The following DSCC1 variants were observed in gnomAD, a reference collection of about 807,000 sequenced individuals.
The protein encoded by DSCC1 is sister chromatid cohesion protein DCC1.
DSCC1 carries 32 observed loss-of-function variants against 48.2 expected under a neutral mutation model. That is an observed-to-expected ratio of 0.66 (90% CI 0.50 to 0.89). The LOEUF is 0.89. DSCC1 is among the 40% of genes least tolerant of loss of function. DSCC1 has a pLI of 0.00. For synonymous variants in DSCC1, 150 were observed against 171.5 expected, an observed-to-expected ratio of 0.87 and a Z score of 0.98; for missense variants, 421 against 471.7, an observed-to-expected ratio of 0.89 and a Z score of 1.00.
intron 8 of DSCC1, among the ~76,000 whole-genome samples, chr8:119,836,202 A>G (rs973588268): frequency 2.0e-5 from 3 of 152,190 alleles, no homozygotes; most frequent in Non-Finnish European, 4.4e-5. Context: ...AGTCCCAGCT[A>G]CTTGGGAGGC....
intron 4 of DSCC1, among the ~76,000 whole-genome samples, chr8:119,845,678 G>A (rs372589972): frequency 2.7e-5 from 4 of 150,824 alleles, no homozygotes; most frequent in African/African-American, 9.8e-5. Flanking sequence ...GCTGGGCACC[G>A]TGGCTCACAC....
chr8:119,845,859 G>C (rs982139427), intron 4 of DSCC1, among the ~76,000 whole-genome samples: 4 of 152,052 alleles, frequency 2.6e-5, no homozygotes, highest in Admixed American at 2.6e-4. Flanking sequence ...TGAGGCAGGA[G>C]AATCACTTGA....
chr8:119,854,537 A>T (rs1397086960), intron 1 of DSCC1, among the ~76,000 whole-genome samples: 3 of 152,224 alleles, frequency 2.0e-5, no homozygotes, highest in Non-Finnish European at 4.4e-5. Flanking sequence ...AGTCTTTAAC[A>T]TTTATTTCTC....
intron 5 of DSCC1, 136 bp downstream of exon 5, chr8:119,843,473 G>T: frequency 7.9e-7 from 1 of 1,263,790 alleles, no homozygotes; most frequent in African/African-American, 1.5e-5. Flanking sequence ...AATCTTCTTC[G>T]GTTGTAATTG....
In DSCC1 at chr8:119,838,373, T is replaced by G; in HGVS notation, c.959A>C (p.Glu320Ala). 1 of 1,607,986 alleles carries G rather than the reference T, an allele frequency of 6.2e-7. No individual in the cohort carries two copies. The highest frequency in any genetic ancestry group is 8.5e-7 in the Non-Finnish European group (1 of 1,177,804). Residue 320 changes from glutamate (E) to alanine (A), a missense_variant, in exon 8 of 9, where the codon GAA becomes GCA. This residue lies in a region of DSCC1 where 238 missense variants were observed against 259.0 expected (regional missense o/e 0.92). Transcript: ENST00000313655. ...ATCTACTTTCAGCAAAAATATGATT[T>G]CTGGTCTCGAGTGTCTATCCACCAG... is the stretch of plus-strand genomic sequence containing the variant. ...LALVDRHSRP[E>A]IIFLLKVDDL...
intron 3 of DSCC1, among the ~76,000 whole-genome samples, chr8:119,848,649 A>G (rs1171409678): frequency 6.6e-6 from 1 of 152,240 alleles, no homozygotes; most frequent in Non-Finnish European, 1.5e-5. Flanking sequence ...ATAGATCCAC[A>G]TTAAAATCTT....
At chr8:119,849,802 A>C (rs1038003044) in intron 3 of DSCC1, among the ~76,000 whole-genome samples, 2 of 152,216 alleles carry the variant, frequency 1.3e-5, no homozygotes, top group African/African-American at 4.8e-5. Flanking sequence ...TTTTAGAAAG[A>C]GTCCATTGGG....
At chr8:119,840,356 A>C (rs977028131) in intron 7 of DSCC1, 1 of 152,242 alleles carries the variant, frequency 6.6e-6, no homozygotes, top group Non-Finnish European at 1.5e-5. Flanking sequence ...AGAATGAAGG[A>C]AGGCCTCCTT....
intron 2 of DSCC1, among the ~76,000 whole-genome samples, chr8:119,851,626 G>A (rs1826944401): frequency 6.6e-6 from 1 of 152,062 alleles, no homozygotes; most frequent in Admixed American, 6.6e-5. Flanking sequence ...ATCTAGCAGC[G>A]CTGGGCCTAC....
intron 5 of DSCC1, 134 bp downstream of exon 5, chr8:119,843,475 T>C (rs1826805252): frequency 6.2e-6 from 8 of 1,285,758 alleles, no homozygotes; most frequent in Admixed American, 2.5e-5. Flanking sequence ...TCTTCTTCGG[T>C]TGTAATTGTA....
chr8:119,847,100 T>A lies in DSCC1; in HGVS notation c.487-20A>T. On this transcript the variant is annotated intron_variant, in intron 3 of 8. Coordinates refer to ENST00000313655, the MANE Select transcript of DSCC1 (RefSeq NM_024094.3). ...TGTATACTGCAAAAAGAAAAAAATATTTTAAGGCCTTTGAAGAATATTTTG... is the reference window on the plus strand; with the variant it reads ...TGTATACTGCAAAAAGAAAAAAATAATTTAAGGCCTTTGAAGAATATTTTG... 1 of 1,593,224 alleles carries A rather than the reference T, an allele frequency of 6.3e-7. No homozygotes were observed. Among genetic ancestry groups the A allele is most frequent in the Non-Finnish European group, 8.6e-7 (1 of 1,166,850 alleles).
chr8:119,852,899 TA>T, intron 2 of DSCC1, 147 bp downstream of exon 2: 4 of 640,852 alleles, frequency 6.2e-6, no homozygotes, highest in Non-Finnish European at 9.4e-6. Context: ...ATAATAATAA[TA>T]ATGCTGAGAA....
chr8:119,842,885 T>G, intron 5 of DSCC1, 57 bp from the exon 6 acceptor site: 1 of 1,395,130 alleles, frequency 7.2e-7, no homozygotes. Flanking sequence ...GCACTATATT[T>G]TAACCCCATT....
At chr8:119,837,131 A>G (rs1467325862) in intron 8 of DSCC1, among the ~76,000 whole-genome samples, 1 of 152,174 alleles carries the variant, frequency 6.6e-6, no homozygotes, top group African/African-American at 2.4e-5. Context: ...CAAAGGACAT[A>G]GGGTCCAGTA....
chr8:119,834,982 G>T lies in DSCC1; in HGVS notation c.1093C>A (p.Gln365Lys), dbSNP rs144550124. The T allele has an allele frequency of 1.0e-4, 162 of 1,602,380 alleles. No individual in the cohort carries two copies. The highest frequency in any genetic ancestry group is 3.3e-4 in the Middle Eastern group (2 of 6,048). Residue 365 changes from glutamine (Q) to lysine (K), a missense_variant, in exon 9 of 9, where the codon CAA (glutamine) becomes AAA (lysine). Gln to Lys is a moderately conservative substitution (Grantham distance 53). Around this residue, in one of 3 missense-constraint regions of DSCC1, gnomAD observed 238 missense variants for 259.0 expected, o/e 0.92. Transcript: ENST00000313655. ...PYIQDLCGEK[Q>K]TIGALLTKYS... ...TTAGTGAGTAATGCACCTATGGTTT[G>T]CTTCTCTCCACACAAATCTCTGTAG...
chr8:119,835,625 C>T (rs1563941687), intron 8 of DSCC1, among the ~76,000 whole-genome samples: 1 of 152,122 alleles, frequency 6.6e-6, no homozygotes, highest in African/African-American at 2.4e-5. Flanking sequence ...CAAATCCTGC[C>T]ACCAGGTTTG....
chr8:119,853,137 G>A lies in DSCC1; in HGVS notation c.261C>T (p.Asp87=). 1 of 1,614,106 alleles carries A rather than the reference G, an allele frequency of 6.2e-7. No homozygotes were observed. Among genetic ancestry groups the A allele is most frequent in the East Asian group, 2.2e-5 (1 of 44,872 alleles). ...KDKTYDLKIA[D]TSNMLLFIPG... ...GAATGAAAAGCAACATATTGGAAGT[G>A]TCTGCTATCTTCAAGTCGTATGTTT... is the stretch of plus-strand genomic sequence containing the variant. The change falls in exon 2 of 9, where the codon GAC becomes GAT. Residue 87 remains aspartate, a synonymous_variant. Coordinates refer to ENST00000313655, the MANE Select transcript of DSCC1 (RefSeq NM_024094.3).
intron 4 of DSCC1, among the ~76,000 whole-genome samples, chr8:119,844,749 T>C (rs915107088): frequency 1.3e-5 from 2 of 152,146 alleles, no homozygotes; most frequent in African/African-American, 4.8e-5. Flanking sequence ...TATCTCACAA[T>C]AATCTTGTCA....
rs1239492722 is a variant in DSCC1, at chr8:119,855,856, AAG to A, written c.-63_-62del. Reference sequence around the variant, plus strand: ...GTGGCTGCGGGCTTGGCGGGCAAGAAAGAAGTTCCCAAGCAGCCGGAAGGTAG... The same window carrying A: ...GTGGCTGCGGGCTTGGCGGGCAAGAAAAGTTCCCAAGCAGCCGGAAGGTAG... On this transcript the variant is annotated 5_prime_UTR_variant, in exon 1 of 9. Transcript: ENST00000313655. 1 of 1,406,702 alleles carries A rather than the reference AAG, an allele frequency of 7.1e-7. No individual in the cohort carries two copies. The highest frequency in any genetic ancestry group is 1.5e-5 in the African/African-American group (1 of 65,372). The allele number at this position is 1,406,702 out of a possible 1,614,324, so 87.1% of individuals were successfully genotyped here. A position where few individuals can be genotyped will look rare whatever the true frequency, so the allele number is the denominator to read the frequency against.
Sources: allele counts gnomAD v4.1 joint callset (sites outside exome capture counted in the v4.1 genomes callset), GRCh38; gene constraint gnomAD v4.1.1; regional missense constraint gnomAD v4.1.1; transcripts MANE v1.5; gene names NCBI Gene and HGNC (gene_info 2026-07-23, HGNC 2026-07-21).